Variants in ERP44 observed in about 807,000 individuals in gnomAD.
The protein encoded by ERP44 is endoplasmic reticulum protein 44, also known as endoplasmic reticulum resident protein 44.
Under a neutral mutation model 53.4 loss-of-function variants are expected in ERP44, and 25 were observed. That is an observed-to-expected ratio of 0.47 (90% confidence interval 0.34 to 0.65). ERP44 has a LOEUF of 0.65. Ranked by LOEUF, ERP44 falls within the 30% of genes least tolerant of loss-of-function variation. The pLI, the probability that ERP44 is intolerant of heterozygous loss-of-function variation, is 0.01. For missense variants in ERP44, 338 were observed against 493.2 expected, an observed-to-expected ratio of 0.69 and a Z score of 2.98; for synonymous variants, 145 against 161.2, an observed-to-expected ratio of 0.90 and a Z score of 0.76.
chr9:100,096,266 C>A (rs1407505590), intron 1 of ERP44, among the ~76,000 whole-genome samples: 5 of 152,074 alleles, frequency 3.3e-5, no homozygotes, highest in Non-Finnish European at 5.9e-5. Context: ...AGATTTCTAT[C>A]CCCCTTACTG....
intron 10 of ERP44, among the ~76,000 whole-genome samples, chr9:99,991,280 A>G (rs559756928): frequency 1.3e-5 from 2 of 152,352 alleles, no homozygotes; most frequent in East Asian, 3.9e-4. Flanking sequence ...AGCACTCCTC[A>G]GCAAATATAA....
Position 99,981,559 on chromosome 9 carries a change from CT to C in ERP44, c.*1052del, listed in dbSNP as rs1429216873. The stretch of plus-strand genomic sequence containing the variant: ...TTCCTGATATGACACTGAGGGTCCT[CT>C]CCCTCTGGTTTTATTCCCTGGCAGT... On this transcript the variant is annotated 3_prime_UTR_variant, in exon 12 of 12. Coordinates refer to ENST00000262455, the MANE Select transcript of ERP44 (RefSeq NM_015051.3). The C allele has an allele frequency of 6.6e-6, 1 of 152,620 alleles. No individual in the cohort carries two copies. The highest frequency in any genetic ancestry group is 2.4e-5 in the African/African-American group (1 of 41,432). 9.5% of individuals were successfully genotyped at this position (152,620 alleles called of 1,614,324 possible). A position where few individuals can be genotyped will look rare whatever the true frequency, so the allele number is the denominator to read the frequency against.
chr9:100,090,398 A>T (rs1181293830), intron 1 of ERP44, among the ~76,000 whole-genome samples: 1 of 152,180 alleles, frequency 6.6e-6, no homozygotes, highest in African/African-American at 2.4e-5. Context: ...GACTTCAATG[A>T]TGTGTTGGTA....
In ERP44 at chr9:100,045,531, G is replaced by A. The variant is rs149400493; in HGVS notation, c.286+6886C>T. 3.0e-4 allele frequency among the ~76,000 whole-genome samples: 45 copies of A among 152,194 alleles called. No homozygotes were observed. In the East Asian group the frequency reaches 5.8e-3, roughly 20 times the overall value. Reference sequence around the variant, plus strand: ...CGTGGTAAAGATAACTAAAATATCCGAAAGAACATGTCTAAAATCAAGTAA... The same window carrying A: ...CGTGGTAAAGATAACTAAAATATCCAAAAGAACATGTCTAAAATCAAGTAA... On this transcript the variant is annotated intron_variant, in intron 4 of 11. Transcript: ENST00000262455.
At chr9:100,016,948 G>T (rs1451838164) in intron 7 of ERP44, among the ~76,000 whole-genome samples, 1 of 152,172 alleles carries the variant, frequency 6.6e-6, no homozygotes, top group African/African-American at 2.4e-5. Context: ...GGAAGGCATT[G>T]TGAAAAGAAT....
At position 100,057,806 on chromosome 9, in the gene ERP44, A is replaced by G. The variant is rs750468979; in HGVS notation, c.170+14T>C. ...GTAAAAACAAAACCAAACCCAAACA[A>G]TAAGATTACTTACCAGTCAGCATAA... is the stretch of plus-strand genomic sequence containing the variant. On this transcript the variant is annotated intron_variant, in intron 3 of 11. Transcript: ENST00000262455. The G allele has an allele frequency of 2.5e-6, 4 of 1,600,744 alleles. No homozygotes were observed. The South Asian group carries it at 4.5e-5, about 18-fold the overall frequency.
Position 100,076,638 on chromosome 9 carries a change from T to G in ERP44, c.58-16466A>C, listed in dbSNP as rs1165016351. ...TGTGATTATATACTGATTCATGGGC[T>G]GTAGCCAATGGGGATGGTCAGTGAC... On this transcript the variant is annotated intron_variant, in intron 1 of 11. Coordinates refer to ENST00000262455, the MANE Select transcript of ERP44 (RefSeq NM_015051.3). Among the ~76,000 whole-genome samples, 3 of 152,354 alleles carry G rather than the reference T, an allele frequency of 2.0e-5. No individual in the cohort carries two copies. The East Asian group carries it at 5.8e-4, about 29-fold the overall frequency.
At chr9:100,035,764 A>G (rs1203926935) in intron 4 of ERP44, among the ~76,000 whole-genome samples, 3 of 152,214 alleles carry the variant, frequency 2.0e-5, no homozygotes, top group South Asian at 2.1e-4. Context: ...TCAAAAGACG[A>G]CATACAAGCA....
Position 100,098,982 on chromosome 9 carries a change from G to C in ERP44, c.-142C>G, listed in dbSNP as rs1396388584. 7.7e-6 allele frequency: 5 copies of C among 645,930 alleles called. No individual in the cohort carries two copies. Among genetic ancestry groups the C allele is most frequent in the South Asian group, 5.4e-5 (3 of 55,896 alleles). The allele number at this position is 645,930 out of a possible 1,614,324, so 40.0% of individuals were successfully genotyped here. A position where few individuals can be genotyped will look rare whatever the true frequency, so the allele number is the denominator to read the frequency against. On this transcript the variant is annotated 5_prime_UTR_variant, in exon 1 of 12. Coordinates refer to ENST00000262455, the MANE Select transcript of ERP44 (RefSeq NM_015051.3). ...CAGCGGCACCTCGTCCTCTCGACCC[G>C]GGCTCCAGCGGCGAACACCCGGGAC...
intron 4 of ERP44, among the ~76,000 whole-genome samples, chr9:100,052,056 A>T (rs1444433933): frequency 6.6e-6 from 1 of 152,186 alleles, no homozygotes; most frequent in Admixed American, 6.5e-5. Flanking sequence ...ACTAACAGAA[A>T]TCCATTTTTT....
intron 8 of ERP44, 120 bp from the exon 9 acceptor site, chr9:100,007,809 G>GA (rs1227781885): frequency 8.5e-5 from 56 of 657,716 alleles, no homozygotes; most frequent in East Asian, 6.0e-4. Flanking sequence ...TATCCCGGGG[G>GA]AAAAAAAAGG....
At chr9:100,030,403 A>C (rs1825768314) in intron 4 of ERP44, among the ~76,000 whole-genome samples, 1 of 152,164 alleles carries the variant, frequency 6.6e-6, no homozygotes, top group Non-Finnish European at 1.5e-5. Flanking sequence ...ATCCGGGTAA[A>C]GGATGGGATT....
Position 100,098,790 on chromosome 9 carries a change from C to G in ERP44, c.51G>C (p.Leu17=), listed in dbSNP as rs1397513258. The change falls in exon 1 of 12, where the codon CTG becomes CTC. Residue 17 remains leucine (L), a synonymous_variant. Transcript: ENST00000262455. ...LSLPDLRCSL[L]LLVTWVFTPV... ...CTGTCATTCCCTCACTCACCAGGAG[C>G]AGAAGGGAGCATCTGAGGTCGGGTA... 4.3e-6 allele frequency: 7 copies of G among 1,613,592 alleles called. No homozygotes were observed. The highest frequency in any genetic ancestry group is 1.6e-4 in the Middle Eastern group (1 of 6,080).
chr9:99,989,945 G>T (rs1050154437), intron 10 of ERP44, among the ~76,000 whole-genome samples: 2 of 152,158 alleles, frequency 1.3e-5, no homozygotes, highest in South Asian at 2.1e-4. Context: ...TCAAATGAAT[G>T]AAATAAAGTG....
intron 10 of ERP44, among the ~76,000 whole-genome samples, chr9:99,989,972 A>G (rs1053237303): frequency 1.3e-5 from 2 of 152,194 alleles, no homozygotes; most frequent in Non-Finnish European, 2.9e-5. Flanking sequence ...TTAGAGAAAA[A>G]AGAGTAAAAA....
intron 1 of ERP44, among the ~76,000 whole-genome samples, chr9:100,067,600 G>A (rs1826230153): frequency 6.6e-6 from 1 of 152,090 alleles, no homozygotes; most frequent in East Asian, 1.9e-4. Flanking sequence ...TGCAGCCTCT[G>A]CCCGGCCGCC....
chr9:100,067,413 C>A (rs1006137643), intron 1 of ERP44, among the ~76,000 whole-genome samples: 1 of 152,198 alleles, frequency 6.6e-6, no homozygotes, highest in African/African-American at 2.4e-5. Flanking sequence ...GGCTGGTCTC[C>A]AGCTCCTAAC....
intron 4 of ERP44, among the ~76,000 whole-genome samples, chr9:100,038,877 A>C (rs1320228659): frequency 6.6e-6 from 1 of 152,208 alleles, no homozygotes; most frequent in Non-Finnish European, 1.5e-5. Context: ...AATAGATTTC[A>C]AGACAAAAAC....
chr9:100,086,760 TCA>T (rs1184475456), intron 1 of ERP44, among the ~76,000 whole-genome samples: 1 of 152,154 alleles, frequency 6.6e-6, no homozygotes. Context: ...TCTAGTACTC[TCA>T]GTTACCCCAG....
Sources: gnomAD v4.1 joint callset for allele counts (sites outside exome capture counted in the v4.1 genomes callset) on GRCh38, gnomAD v4.1.1 for gene constraint, MANE v1.5 for transcripts, NCBI Gene and HGNC (gene_info 2026-07-23, HGNC 2026-07-21) for gene names.